Variants in CCDC88C observed in about 807,000 individuals in gnomAD.
CCDC88C encodes coiled-coil and HOOK domain protein 88C, also known as protein Daple.
In CCDC88C, 131 loss-of-function variants were observed where a neutral mutation model predicts 198.8. The ratio of observed to expected loss-of-function variants is 0.66; its 90% CI spans 0.57 to 0.76. CCDC88C has a LOEUF of 0.76. CCDC88C is among the 30% of genes least tolerant of loss of function. CCDC88C has a pLI of 0.00. For synonymous variants in CCDC88C, 1,166 were observed against 1,114.7 expected (o/e 1.05, Z -0.92); for missense variants, 2,553 against 2,631.6 (o/e 0.97, Z 0.65).
In CCDC88C at chr14:91,338,494, G is replaced by C; in HGVS notation, c.886C>G (p.Gln296Glu). Residue 296 changes from glutamine to glutamate, a missense_variant, in exon 9 of 30, where the codon CAG becomes GAG. This residue lies in a region of CCDC88C where 1,260 missense variants were observed against 1,412.0 expected (regional missense o/e 0.89). Transcript: ENST00000389857. This position sits in a 1 kb window ranked among gnomAD's most constrained non-coding sequence, Gnocchi z 4.8. ...QLVLELQKVK[Q>E]ENIQLAADAR... ...GGCTCAGGCCCCCGACTCACCTCCTGCTTAACTTTCTGCAGTTCCAGCACC... is the reference window on the plus strand; with the variant it reads ...GGCTCAGGCCCCCGACTCACCTCCTCCTTAACTTTCTGCAGTTCCAGCACC... The C allele has an allele frequency of 6.4e-7, 1 of 1,565,344 alleles. No homozygotes were observed. The highest frequency in any genetic ancestry group is 8.7e-7 in the Non-Finnish European group (1 of 1,155,232).
intron 3 of CCDC88C, among the ~76,000 whole-genome samples, chr14:91,407,526 C>G (rs974254609): frequency 6.6e-6 from 1 of 152,236 alleles, no homozygotes; most frequent in Non-Finnish European, 1.5e-5. Context: ...AGTTCTCAAT[C>G]TGTGTCCTCT....
chr14:91,333,642 T>C (rs1567082180), intron 10 of CCDC88C, among the ~76,000 whole-genome samples: 1 of 152,264 alleles, frequency 6.6e-6, no homozygotes, highest in African/African-American at 2.4e-5. Flanking sequence ...CAGTTTCCTA[T>C]AACGCACATA....
rs369303930 is a variant in CCDC88C, at chr14:91,313,930, C to G, written c.1886G>C (p.Arg629Pro). ...DLEQAKEKGE[R>P]AEKLERELQR... ...TAGCTCCCTCTCCAGCTTCTCTGCCCGCTCCCCCTTCTCCTTGGCCTGCTC... is the reference window on the plus strand; with the variant it reads ...TAGCTCCCTCTCCAGCTTCTCTGCCGGCTCCCCCTTCTCCTTGGCCTGCTC... The change falls in exon 15 of 30, where the codon CGG becomes CCG. Residue 629 changes from arginine to proline, a missense_variant. Around this residue, in one of 2 missense-constraint regions of CCDC88C, gnomAD observed 1,260 missense variants for 1,412.0 expected, o/e 0.89. Coordinates refer to ENST00000389857, the MANE Select transcript of CCDC88C (RefSeq NM_001080414.4). This position sits in a 1 kb window ranked among gnomAD's most constrained non-coding sequence, Gnocchi z 5.2. 1 of 1,612,808 alleles carries G rather than the reference C, an allele frequency of 6.2e-7. No individual in the cohort carries two copies. Among genetic ancestry groups the G allele is most frequent in the African/African-American group, 1.3e-5 (1 of 74,776 alleles).
chr14:91,293,454 C>CCACCTTCCCATCCTCACGTGCCACAGCT (rs1890810904), intron 23 of CCDC88C, among the ~76,000 whole-genome samples: 3 of 1,060 alleles, frequency 2.8e-3, no homozygotes, highest in African/African-American at 0.012. Flanking sequence ...CTGCCACGGT[C>CCACCTTCCCATCCTCACGTGCCACAGCT]CACCTTCCCA....
intron 3 of CCDC88C, among the ~76,000 whole-genome samples, chr14:91,407,067 C>G (rs912034003): frequency 6.6e-6 from 1 of 151,834 alleles, no homozygotes; most frequent in Non-Finnish European, 1.5e-5. Flanking sequence ...CTGGCCCACA[C>G]AGGCAAACTA....
In CCDC88C at chr14:91,333,360, G is replaced by A. The variant is rs78301697; in HGVS notation, c.1050+4645C>T. Among the ~76,000 whole-genome samples, 1,460 of 152,130 alleles carry A rather than the reference G, an allele frequency of 9.6e-3. 26 individuals are homozygous for A. Among genetic ancestry groups the A allele is most frequent in the African/African-American group, 0.033 (1,355 of 41,482 alleles). ...TATCTAGCAGCCTGTTACCATTTTC[G>A]TCGTCTGTGAAATTTATGTCCAAAG... On this transcript the variant is annotated intron_variant, in intron 10 of 29. Coordinates refer to ENST00000389857, the MANE Select transcript of CCDC88C (RefSeq NM_001080414.4).
intron 2 of CCDC88C, among the ~76,000 whole-genome samples, chr14:91,412,198 A>T (rs1886825411): frequency 1.3e-5 from 2 of 151,854 alleles, no homozygotes; most frequent in Non-Finnish European, 2.9e-5. Context: ...GTTTTTATAT[A>T]TGTTTAATGT....
Position 91,339,879 on chromosome 14 carries a change from C to A in CCDC88C, c.624+5G>T, listed in dbSNP as rs771281919. On this transcript the variant is annotated splice_donor_5th_base_variant and intron_variant, in intron 7 of 29. Transcript: ENST00000389857. This position sits in a 1 kb window ranked among gnomAD's most constrained non-coding sequence, Gnocchi z 5.8. ...GCTGACCGGGCCACCGACCCGCGGA[C>A]GCACCTCGGTGCACTCGTCCCGCTG... The A allele has an allele frequency of 3.8e-6, 6 of 1,578,312 alleles. No homozygotes were observed. The highest frequency in any genetic ancestry group is 5.2e-6 in the Non-Finnish European group (6 of 1,162,264).
At chr14:91,374,990 C>T (rs148243854) in intron 3 of CCDC88C, among the ~76,000 whole-genome samples, 2 of 152,338 alleles carry the variant, frequency 1.3e-5, no homozygotes, top group African/African-American at 2.4e-5. Context: ...CACTGTAACA[C>T]GTATGTGGTA....
At chr14:91,374,123 C>T (rs1046933341) in intron 3 of CCDC88C, among the ~76,000 whole-genome samples, 3 of 152,212 alleles carry the variant, frequency 2.0e-5, no homozygotes, top group Non-Finnish European at 2.9e-5. Flanking sequence ...GAACTGGCTG[C>T]GGGGAGGAAG....
intron 3 of CCDC88C, among the ~76,000 whole-genome samples, chr14:91,391,359 G>C (rs1210229379): frequency 6.6e-6 from 1 of 152,156 alleles, no homozygotes; most frequent in Non-Finnish European, 1.5e-5. Flanking sequence ...CAGTTCAGTG[G>C]CATTAAATAC....
intron 5 of CCDC88C, 57 bp downstream of exon 5, chr14:91,343,542 A>C: frequency 6.2e-7 from 1 of 1,607,566 alleles, no homozygotes; most frequent in Non-Finnish European, 8.5e-7. Context: ...AGTCCCGCAA[A>C]CCCAATATGA....
intron 3 of CCDC88C, among the ~76,000 whole-genome samples, chr14:91,374,488 G>A (rs1452713651): frequency 6.6e-6 from 1 of 152,240 alleles, no homozygotes; most frequent in Non-Finnish European, 1.5e-5. Flanking sequence ...AGCTCTTACA[G>A]ACAGGTGGTC....
Position 91,284,065 on chromosome 14 carries a change from G to C in CCDC88C, c.4442-548C>G, listed in dbSNP as rs925034985. Among the ~76,000 whole-genome samples the C allele has an allele frequency of 6.6e-6, 1 of 152,168 alleles. No individual in the cohort carries two copies. The highest frequency in any genetic ancestry group is 2.4e-5 in the African/African-American group (1 of 41,422). On this transcript the variant is annotated intron_variant, in intron 25 of 29. Coordinates refer to ENST00000389857, the MANE Select transcript of CCDC88C (RefSeq NM_001080414.4). The surrounding 1 kb of genome is among the most constrained non-coding windows in gnomAD (Gnocchi z 4.1). Reference sequence around the variant, plus strand: ...CAAGAAAATTTTTACCTTGTGTCTTGTGCTTTTCTGAAATCTCTAACTTTT... The same window carrying C: ...CAAGAAAATTTTTACCTTGTGTCTTCTGCTTTTCTGAAATCTCTAACTTTT...
chr14:91,417,340 G>T (rs938741066), intron 1 of CCDC88C: 1 of 611,122 alleles, frequency 1.6e-6, no homozygotes, highest in Non-Finnish European at 2.9e-6. Flanking sequence ...GGTCCGCCCC[G>T]AGGCAGCCAG....
rs12883434 is a variant in CCDC88C at position 91,339,860 on chromosome 14, C to T, written c.624+24G>A. The T allele has an allele frequency of 4.8e-5, 75 of 1,563,710 alleles. No individual in the cohort carries two copies. The highest frequency in any genetic ancestry group is 6.1e-5 in the Non-Finnish European group (70 of 1,153,844). ...GGCCTAAGCCCCTTCCCAGGCTGAC[C>T]GGGCCACCGACCCGCGGACGCACCT... On this transcript the variant is annotated intron_variant, in intron 7 of 29. Coordinates refer to ENST00000389857, the MANE Select transcript of CCDC88C (RefSeq NM_001080414.4). This position sits in a 1 kb window ranked among gnomAD's most constrained non-coding sequence, Gnocchi z 5.8.
intron 29 of CCDC88C, among the ~76,000 whole-genome samples, chr14:91,275,553 C>T (rs1889921036): frequency 6.6e-6 from 1 of 151,710 alleles, no homozygotes; most frequent in Non-Finnish European, 1.5e-5. Context: ...TCTCGGTTCA[C>T]TGCAACCTGA....
In CCDC88C at chr14:91,271,619, CATAA is replaced by C. The variant is rs1261862001; in HGVS notation, c.*1002_*1005del. On this transcript the variant is annotated 3_prime_UTR_variant, in exon 30 of 30. Coordinates refer to ENST00000389857, the MANE Select transcript of CCDC88C (RefSeq NM_001080414.4). ...CAGAAGAGAGTGACTCCCACTGGAA[CATAA>C]ATAGATCCCCCCAAAGTATACATAT... 2 of 152,178 alleles carry C rather than the reference CATAA, an allele frequency of 1.3e-5. No individual in the cohort carries two copies. Among genetic ancestry groups the C allele is most frequent in the African/African-American group, 4.8e-5 (2 of 41,426 alleles). The allele number at this position is 152,178 out of a possible 1,614,324, so 9.4% of individuals were successfully genotyped here.
At chr14:91,386,757 G>A (rs1885175619) in intron 3 of CCDC88C, among the ~76,000 whole-genome samples, 1 of 152,224 alleles carries the variant, frequency 6.6e-6, no homozygotes, top group Non-Finnish European at 1.5e-5. Flanking sequence ...TTAGAGGCCA[G>A]CACACTTTCT....
Sources: allele counts gnomAD v4.1 joint callset (sites outside exome capture counted in the v4.1 genomes callset), GRCh38; gene constraint gnomAD v4.1.1; regional missense constraint gnomAD v4.1.1; non-coding constraint Gnocchi (gnomAD v3.1); transcripts MANE v1.5; gene names NCBI Gene and HGNC (gene_info 2026-07-23, HGNC 2026-07-21).